The following LRRC69 variants were observed in gnomAD, a reference collection of about 807,000 sequenced individuals.
LRRC69 encodes leucine rich repeat containing 69, also known as leucine-rich repeat-containing protein 69.
LRRC69 carries 42 observed loss-of-function variants against 37.8 expected under a neutral mutation model. That is an observed-to-expected ratio of 1.11 (90% confidence interval 0.87 to 1.44). The LOEUF is 1.44. Ranked by LOEUF, LRRC69 falls within the 40% of genes most tolerant of loss-of-function variation. The pLI, the probability that LRRC69 is intolerant of heterozygous loss-of-function variation, is 0.00. For missense variants in LRRC69, 357 were observed against 401.9 expected (o/e 0.89, Z 0.96); for synonymous variants, 141 against 143.1 (o/e 0.99, Z 0.11).
At chr8:91,203,513 C>T (rs1809744970) in intron 7 of LRRC69, among the ~76,000 whole-genome samples, 1 of 151,734 alleles carries the variant, frequency 6.6e-6, no homozygotes, top group Admixed American at 6.6e-5. Context: ...CTGCCTCGGC[C>T]TCTCAAGTAG....
intron 5 of LRRC69, among the ~76,000 whole-genome samples, chr8:91,141,640 T>G (rs564048537): frequency 1.3e-5 from 2 of 152,180 alleles, no homozygotes; most frequent in East Asian, 3.9e-4. Context: ...TATAGAAACT[T>G]TGGAATTTGT....
chr8:91,150,511 G>A (rs10086348), intron 5 of LRRC69, among the ~76,000 whole-genome samples: 5,185 of 151,554 alleles, frequency 0.034, 262 homozygotes, highest in African/African-American at 0.11. Flanking sequence ...GGATTTTTGC[G>A]TCAATGTTCA....
At chr8:91,182,584 AC>A (rs1809343100) in intron 5 of LRRC69, among the ~76,000 whole-genome samples, 1 of 152,216 alleles carries the variant, frequency 6.6e-6, no homozygotes. Context: ...ACTATGAGGA[AC>A]CTATAATTAT....
intron 5 of LRRC69, among the ~76,000 whole-genome samples, chr8:91,185,800 C>T (rs748462104): frequency 4.0e-5 from 6 of 151,748 alleles, no homozygotes; most frequent in Non-Finnish European, 8.8e-5. Context: ...TTTAGAAATC[C>T]CAGTTCTCAC....
At chr8:91,144,357 T>C (rs1402915451) in intron 5 of LRRC69, among the ~76,000 whole-genome samples, 2 of 152,050 alleles carry the variant, frequency 1.3e-5, no homozygotes, top group African/African-American at 4.8e-5. Context: ...GTTATTTTCC[T>C]CTGCAGATTC....
At chr8:91,188,566 G>A (rs1266787379) in intron 5 of LRRC69, among the ~76,000 whole-genome samples, 1 of 152,078 alleles carries the variant, frequency 6.6e-6, no homozygotes, top group Admixed American at 6.6e-5. Flanking sequence ...TACTACTTAA[G>A]ATAGGTCATA....
chr8:91,177,911 T>C (rs1428234117), intron 5 of LRRC69, among the ~76,000 whole-genome samples: 1 of 148,030 alleles, frequency 6.8e-6, no homozygotes, highest in Non-Finnish European at 1.5e-5. Context: ...TACAGTGGCA[T>C]GATCTCGGCT....
At chr8:91,122,942 A>C (rs1170871744) in intron 1 of LRRC69, among the ~76,000 whole-genome samples, 1 of 152,048 alleles carries the variant, frequency 6.6e-6, no homozygotes, top group African/African-American at 2.4e-5. Flanking sequence ...GGAGAATGGG[A>C]GGTTACCCTA....
At chr8:91,156,606 G>GTC (rs888049106) in intron 5 of LRRC69, among the ~76,000 whole-genome samples, 4 of 150,634 alleles carry the variant, frequency 2.7e-5, no homozygotes, top group African/African-American at 9.7e-5. Context: ...TGCTTTTGTT[G>GTC]TCCGTGGTTT....
intron 6 of LRRC69, among the ~76,000 whole-genome samples, chr8:91,189,880 A>G (rs1219486156): frequency 1.3e-5 from 2 of 152,074 alleles, no homozygotes; most frequent in Non-Finnish European, 1.5e-5. Context: ...AGAGAAATTT[A>G]TTTTCACTTT....
rs554862312 is a variant in LRRC69 at position 91,133,227 on chromosome 8, C to T, written c.501C>T (p.Cys167=). The change falls in exon 4 of 8, where the codon TGC becomes TGT. Residue 167 remains cysteine, a synonymous_variant. Transcript: ENST00000448384. The stretch of plus-strand genomic sequence containing the variant: ...AACTTAACTACAATCAGCTGATATG[C>T]ATACCTGAAGAGATTAAATTCTTGA... 547 of 1,540,078 alleles carry T rather than the reference C, an allele frequency of 3.6e-4. 1 individual carries two copies. The highest frequency in any genetic ancestry group is 4.5e-4 in the Non-Finnish European group (516 of 1,144,090).
At chr8:91,205,793 G>T (rs559069991) in intron 7 of LRRC69, among the ~76,000 whole-genome samples, 1 of 152,244 alleles carries the variant, frequency 6.6e-6, no homozygotes, top group African/African-American at 2.4e-5. Flanking sequence ...TCTAATCAGA[G>T]AAATCATTCT....
At chr8:91,140,168 C>A (rs1005820377) in intron 5 of LRRC69, among the ~76,000 whole-genome samples, 3 of 150,948 alleles carry the variant, frequency 2.0e-5, no homozygotes, top group African/African-American at 7.3e-5. Flanking sequence ...GCAGAAAGAT[C>A]AGCGAGAGAA....
downstream of LRRC69, chr8:91,219,078 G>C: frequency 1.5e-6 from 1 of 652,790 alleles, no homozygotes; most frequent in Non-Finnish European, 2.6e-6. Flanking sequence ...CCCTACTTAA[G>C]ATACCATGCC....
intron 3 of LRRC69, among the ~76,000 whole-genome samples, chr8:91,131,557 A>T (rs972843802): frequency 6.6e-6 from 1 of 151,860 alleles, no homozygotes; most frequent in Non-Finnish European, 1.5e-5. Context: ...TATAGTTTTC[A>T]GTGTAGAGGT....
At chr8:91,131,321 ACCTTGGCCT>A (rs1813805886) in intron 3 of LRRC69, among the ~76,000 whole-genome samples, 2 of 149,114 alleles carry the variant, frequency 1.3e-5, no homozygotes, top group Non-Finnish European at 3.0e-5. Context: ...CAATCCTTCC[ACCTTGGCCT>A]CCCAAAGTTA....
chr8:91,191,225 A>T (rs780245421), intron 6 of LRRC69, among the ~76,000 whole-genome samples: 7 of 152,188 alleles, frequency 4.6e-5, no homozygotes, highest in East Asian at 1.9e-4. Context: ...ATATTTTCAC[A>T]AACAGCATTA....
Position 91,154,175 on chromosome 8 carries a change from A to T in LRRC69, c.651+18436A>T, listed in dbSNP as rs1808791980. On this transcript the variant is annotated intron_variant, in intron 5 of 7. Coordinates refer to ENST00000448384, the Ensembl canonical transcript of LRRC69. ...CCAAGACTAAACCAGGAAGAAGTCA[A>T]ATTCTTGAATAGACCAATAACAAGT... 1.3e-5 allele frequency among the ~76,000 whole-genome samples: 2 copies of T among 151,892 alleles called. 1 individual carries two copies. The highest frequency in any genetic ancestry group is 4.1e-4 in the South Asian group (2 of 4,824).
At chr8:91,192,310 G>A (rs896677712) in intron 6 of LRRC69, among the ~76,000 whole-genome samples, 1 of 152,026 alleles carries the variant, frequency 6.6e-6, no homozygotes, top group African/African-American at 2.4e-5. Flanking sequence ...AAACATACGT[G>A]TGCATGTGTC....
Sources: allele counts gnomAD v4.1 joint callset (sites outside exome capture counted in the v4.1 genomes callset), GRCh38; gene constraint gnomAD v4.1.1; transcripts MANE v1.5; gene names NCBI Gene and HGNC (gene_info 2026-07-23, HGNC 2026-07-21).